The following FKTN variants were observed in gnomAD, a reference collection of about 807,000 sequenced individuals.
FKTN encodes the protein ribitol-5-phosphate transferase FKTN.
Under a neutral mutation model 58.6 loss-of-function variants are expected in FKTN, and 47 were observed. That is an observed-to-expected ratio of 0.80 (90% CI 0.63 to 1.02). The LOEUF (loss-of-function observed/expected upper bound fraction) is 1.02, where lower values mean the gene tolerates loss of function less well. FKTN is among the 50% of genes least tolerant of loss of function. FKTN has a pLI of 0.00. For synonymous variants in FKTN, 178 were observed against 191.9 expected, an observed-to-expected ratio of 0.93 and a Z score of 0.60; for missense variants, 516 against 537.3, an observed-to-expected ratio of 0.96 and a Z score of 0.39.
chr9:105,613,675 G>A (rs1009137599), intron 7 of FKTN, among the ~76,000 whole-genome samples: 2 of 152,190 alleles, frequency 1.3e-5, no homozygotes, highest in African/African-American at 2.4e-5. Flanking sequence ...TTACAGTCTA[G>A]TGGAGGGAAT....
intron 8 of FKTN, 147 bp downstream of exon 8, chr9:105,615,554 A>G (rs1159622187): frequency 6.0e-5 from 46 of 760,952 alleles, no homozygotes; most frequent in South Asian, 5.1e-4. Flanking sequence ...GCAAGGATCT[A>G]TTGATTTCCT....
Position 105,639,235 on chromosome 9 carries a change from A to G in FKTN, c.*3971A>G, listed in dbSNP as rs1834261285. ...GAATTTCTCAAGAAAAATCCCAGCA[A>G]CGTTCCCTCTTTCCTCCTTGTCTTC... On this transcript the variant is annotated 3_prime_UTR_variant, in exon 11 of 11. Coordinates refer to ENST00000357998, the MANE Select transcript of FKTN (RefSeq NM_001079802.2). 2 of 985,288 alleles carry G rather than the reference A, an allele frequency of 2.0e-6. No homozygotes were observed. Among genetic ancestry groups the G allele is most frequent in the Non-Finnish European group, 2.4e-6 (2 of 829,934 alleles). The allele number at this position is 985,288 out of a possible 1,614,324, so 61.0% of individuals were successfully genotyped here.
chr9:105,564,031 G>T (rs982165052), intron 1 of FKTN, among the ~76,000 whole-genome samples: 4 of 152,166 alleles, frequency 2.6e-5, no homozygotes, highest in Non-Finnish European at 5.9e-5. Flanking sequence ...TGATACCCAG[G>T]CAAACAGGAT....
chr9:105,600,626 C>G (rs1827702154), intron 4 of FKTN, among the ~76,000 whole-genome samples: 1 of 152,038 alleles, frequency 6.6e-6, no homozygotes, highest in Non-Finnish European at 1.5e-5. Context: ...TGGTCTGAGT[C>G]TTTTGCTTAG....
chr9:105,607,488 A>G (rs1829104833), intron 6 of FKTN, among the ~76,000 whole-genome samples: 1 of 152,038 alleles, frequency 6.6e-6, no homozygotes, highest in Non-Finnish European at 1.5e-5. Context: ...TTGCTAATTG[A>G]TATCTGACAT....
intron 7 of FKTN, among the ~76,000 whole-genome samples, chr9:105,611,227 C>T (rs1479205871): frequency 6.6e-6 from 1 of 152,100 alleles, no homozygotes; most frequent in Non-Finnish European, 1.5e-5. Flanking sequence ...TGTCCCCGTT[C>T]ATTGGCTGAA....
At chr9:105,585,280 C>T (rs1390322848) in intron 3 of FKTN, among the ~76,000 whole-genome samples, 2 of 152,032 alleles carry the variant, frequency 1.3e-5, no homozygotes, top group Non-Finnish European at 2.9e-5. Flanking sequence ...AGAAAATTAG[C>T]TGGTTGTGGT....
At chr9:105,564,292 G>A (rs1838931252) in intron 1 of FKTN, among the ~76,000 whole-genome samples, 1 of 152,212 alleles carries the variant, frequency 6.6e-6, no homozygotes, top group African/African-American at 2.4e-5. Flanking sequence ...AACAAAGCTG[G>A]ATGGAGAATG....
intron 10 of FKTN, among the ~76,000 whole-genome samples, chr9:105,632,063 A>G (rs1430488060): frequency 6.6e-6 from 1 of 151,642 alleles, no homozygotes; most frequent in Admixed American, 6.6e-5. Flanking sequence ...TGTGGCACAT[A>G]TACACCATGG....
chr9:105,630,337 A>G (rs72746076), intron 10 of FKTN, among the ~76,000 whole-genome samples: 44 of 152,378 alleles, frequency 2.9e-4, no homozygotes, highest in Admixed American at 2.0e-3. Flanking sequence ...TGTGAAAATG[A>G]TAAAATTTTC....
At chr9:105,561,744 A>G (rs1278665600) in intron 1 of FKTN, among the ~76,000 whole-genome samples, 1 of 152,224 alleles carries the variant, frequency 6.6e-6, no homozygotes, top group East Asian at 1.9e-4. Flanking sequence ...AAGCAGGTAA[A>G]GAAACTTCTT....
chr9:105,637,906 G>C lies in FKTN; in HGVS notation c.*2642G>C. The C allele has an allele frequency of 1.0e-6, 1 of 985,332 alleles. No individual in the cohort carries two copies. The highest frequency in any genetic ancestry group is 1.2e-6 in the Non-Finnish European group (1 of 829,892). 61.0% of individuals were successfully genotyped at this position (985,332 alleles called of 1,614,324 possible). On this transcript the variant is annotated 3_prime_UTR_variant, in exon 11 of 11. Coordinates refer to ENST00000357998, the MANE Select transcript of FKTN (RefSeq NM_001079802.2). ...TTCCTAAAATTGAGCATCCCTAAGA[G>C]TAGCTGCTTGGTGGGACAGCTGATT...
Position 105,604,488 on chromosome 9 carries a change from G to T in FKTN, c.643G>T (p.Asp215Tyr). 1 of 1,613,706 alleles carries T rather than the reference G, an allele frequency of 6.2e-7. No homozygotes were observed. Among genetic ancestry groups the T allele is most frequent in the South Asian group, 1.1e-5 (1 of 90,978 alleles). Residue 215 changes from aspartate to tyrosine, a missense_variant, in exon 6 of 11, where the codon GAC (aspartate) becomes TAC (tyrosine). Coordinates refer to ENST00000357998, the MANE Select transcript of FKTN (RefSeq NM_001079802.2). ...GTTTGGTCGTTATCCAGGAGCTTTT[G>T]ACAGGTAAGTTCAGAGTCAAAACGT... ...LQFGRYPGAF[D>Y]RPELQQVTVD... is the part of the protein sequence containing the mutation.
At position 105,607,802 on chromosome 9, in the gene FKTN, T is replaced by G; in HGVS notation, c.648-17T>G. 6.2e-7 allele frequency: 1 copy of G among 1,604,566 alleles called. No homozygotes were observed. ...TTCCCCCACCCCTCATTAATAAATC[T>G]TAACTTTTGTTTTCAGGCCAGAGTT... On this transcript the variant is annotated splice_polypyrimidine_tract_variant and intron_variant, in intron 6 of 10. Transcript: ENST00000357998.
At chr9:105,602,728 G>T (rs1273641322) in intron 5 of FKTN, among the ~76,000 whole-genome samples, 1 of 151,866 alleles carries the variant, frequency 6.6e-6, no homozygotes, top group African/African-American at 2.4e-5. Flanking sequence ...ACTGATTTTT[G>T]TATTTTTTTT....
intron 3 of FKTN, among the ~76,000 whole-genome samples, chr9:105,581,761 C>G (rs1490263508): frequency 6.6e-6 from 1 of 152,194 alleles, no homozygotes; most frequent in Non-Finnish European, 1.5e-5. Flanking sequence ...CGCCCCTCCC[C>G]CAGCCTCGCT....
Position 105,640,140 on chromosome 9 carries a change from T to G in FKTN, c.*4876T>G, listed in dbSNP as rs768200235. The G allele has an allele frequency of 7.8e-6, 12 of 1,535,524 alleles. No homozygotes were observed. The South Asian group carries it at 1.4e-4, about 18-fold the overall frequency. ...GGTGCATGATGCCATTTTAAGCTGC[T>G]TCACATCAGACTGAAATCCTAATTA... On this transcript the variant is annotated 3_prime_UTR_variant, in exon 11 of 11. Transcript: ENST00000357998.
Position 105,635,810 on chromosome 9 carries a change from C to G in FKTN, c.*546C>G. ...ATATCAGGTTCATTTTTCAACTAAT[C>G]TTATGTGGAATTGAATTAGAGAACA... On this transcript the variant is annotated 3_prime_UTR_variant, in exon 11 of 11. Transcript: ENST00000357998. 1.0e-6 allele frequency: 1 copy of G among 1,000,064 alleles called. No individual in the cohort carries two copies. Among genetic ancestry groups the G allele is most frequent in the South Asian group, 4.3e-5 (1 of 23,212 alleles). The allele number at this position is 1,000,064 out of a possible 1,614,324, so 61.9% of individuals were successfully genotyped here.
At chr9:105,571,992 C>T (rs981760026) in intron 1 of FKTN, among the ~76,000 whole-genome samples, 1 of 152,040 alleles carries the variant, frequency 6.6e-6, no homozygotes, top group South Asian at 2.1e-4. Context: ...TACTTTTGGT[C>T]CCAAGCATTT....
Sources: gnomAD v4.1 joint callset for allele counts (sites outside exome capture counted in the v4.1 genomes callset) on GRCh38, gnomAD v4.1.1 for gene constraint, MANE v1.5 for transcripts, NCBI Gene and HGNC (gene_info 2026-07-23, HGNC 2026-07-21) for gene names.